TSC22D2: variants seen among roughly 807,000 people sequenced by gnomAD.
TSC22D2 encodes the protein TSC22 domain family protein 2.
In TSC22D2, 5 loss-of-function variants were observed where a neutral mutation model predicts 50.1. That is an observed-to-expected ratio of 0.10 (90% confidence interval 0.05 to 0.21). The LOEUF (loss-of-function observed/expected upper bound fraction) is 0.21, where lower values mean the gene tolerates loss of function less well. Among genes scored for constraint, TSC22D2 ranks in the 10% least tolerant of loss-of-function variants. The pLI is 1.00. For missense variants in TSC22D2, 1,003 were observed against 1,015.5 expected (o/e 0.99, Z 0.17); for synonymous variants, 501 against 450.1 (o/e 1.11, Z -1.43).
intron 1 of TSC22D2, among the ~76,000 whole-genome samples, chr3:150,450,583 T>C (rs562096561): frequency 1.8e-4 from 27 of 152,244 alleles, no homozygotes; most frequent in Admixed American, 1.7e-3. Context: ...CAAGTTTTAT[T>C]CTTAACCATA....
chr3:150,425,913 A>G (rs193059554), intron 1 of TSC22D2, among the ~76,000 whole-genome samples: 4 of 152,318 alleles, frequency 2.6e-5, no homozygotes, highest in African/African-American at 7.2e-5. Flanking sequence ...AAATTAATAG[A>G]CTTTTCACCA....
chr3:150,430,515 T>G (rs1234860786), intron 1 of TSC22D2, among the ~76,000 whole-genome samples: 1 of 152,148 alleles, frequency 6.6e-6, no homozygotes, highest in Non-Finnish European at 1.5e-5. Flanking sequence ...GCTGGTACTG[T>G]TAGAAAGTAT....
intron 1 of TSC22D2, among the ~76,000 whole-genome samples, chr3:150,424,724 A>G (rs1006992991): frequency 2.0e-5 from 3 of 152,084 alleles, no homozygotes; most frequent in African/African-American, 7.2e-5. Context: ...TCCTCCTTGG[A>G]GCCTGTTGTT....
At position 150,424,004 on chromosome 3, in the gene TSC22D2, G is replaced by T. The variant is rs976140092; in HGVS notation, c.1958+12696G>T. 2.6e-5 allele frequency among the ~76,000 whole-genome samples: 4 copies of T among 152,106 alleles called. No homozygotes were observed. The East Asian group carries it at 7.7e-4, about 29-fold the overall frequency. ...TCATTAGAAAAGAGTATTGCTAAGT[G>T]CATGTACATGTCATATTAAGACATG... On this transcript the variant is annotated intron_variant, in intron 1 of 2. Transcript: ENST00000688009.
At chr3:150,415,309 A>C (rs1415419746) in intron 1 of TSC22D2, among the ~76,000 whole-genome samples, 6 of 152,208 alleles carry the variant, frequency 3.9e-5, no homozygotes, top group Non-Finnish European at 7.4e-5. Context: ...AACATTGGTA[A>C]ATTTTTTTAG....
chr3:150,457,013 CTTT>C, intron 1 of TSC22D2, 60 bp from the exon 2 acceptor site: 1 of 1,416,664 alleles, frequency 7.1e-7, no homozygotes, highest in Non-Finnish European at 9.9e-7. Context: ...CTTTTACATT[CTTT>C]TAAGAGTTGG....
intron 1 of TSC22D2, among the ~76,000 whole-genome samples, chr3:150,446,712 C>A (rs1212508225): frequency 1.3e-5 from 2 of 152,084 alleles, no homozygotes; most frequent in Non-Finnish European, 2.9e-5. Flanking sequence ...GCAACTGTCT[C>A]TTTAAAAACC....
intron 1 of TSC22D2, 28 bp downstream of exon 1, chr3:150,411,336 G>T (rs771325649): frequency 2.2e-5 from 35 of 1,563,556 alleles, no homozygotes; most frequent in Non-Finnish European, 2.9e-5. Context: ...TTAAATATTT[G>T]ATAGAAATGC....
At chr3:150,418,771 A>G (rs895774684) in intron 1 of TSC22D2, among the ~76,000 whole-genome samples, 1 of 152,030 alleles carries the variant, frequency 6.6e-6, no homozygotes, top group Non-Finnish European at 1.5e-5. Context: ...AGTTGCTGTT[A>G]AAGGTATTTC....
intron 1 of TSC22D2, among the ~76,000 whole-genome samples, chr3:150,422,028 C>G (rs1560082257): frequency 6.6e-6 from 1 of 152,214 alleles, no homozygotes; most frequent in Non-Finnish European, 1.5e-5. Context: ...GTTTTCTCCT[C>G]TATGAGATGG....
intron 1 of TSC22D2, among the ~76,000 whole-genome samples, chr3:150,417,221 G>T (rs1292949457): frequency 2.0e-5 from 3 of 152,058 alleles, no homozygotes; most frequent in Non-Finnish European, 4.4e-5. Context: ...TGTAAATAAT[G>T]ATGGCATAGT....
At position 150,409,153 on chromosome 3, in the gene TSC22D2, A is replaced by G. The variant is rs1466904797; in HGVS notation, c.-198A>G. On this transcript the variant is annotated 5_prime_UTR_variant, in exon 1 of 3. Transcript: ENST00000688009. The surrounding 1 kb of genome is among the most constrained non-coding windows in gnomAD (Gnocchi z 7.4). Reference sequence around the variant, plus strand: ...CGGGGGCAGAGCCGAAGAGACCGACACAGAGAAGGAAACGAGGAGGAGGAT... The same window carrying G: ...CGGGGGCAGAGCCGAAGAGACCGACGCAGAGAAGGAAACGAGGAGGAGGAT... The G allele has an allele frequency of 1.9e-6, 1 of 538,296 alleles. No individual in the cohort carries two copies. The highest frequency in any genetic ancestry group is 3.3e-6 in the Non-Finnish European group (1 of 307,134). 33.3% of individuals were successfully genotyped at this position (538,296 alleles called of 1,614,324 possible).
At chr3:150,437,870 C>G (rs757718924) in intron 1 of TSC22D2, among the ~76,000 whole-genome samples, 1 of 151,634 alleles carries the variant, frequency 6.6e-6, no homozygotes, top group Non-Finnish European at 1.5e-5. Flanking sequence ...TGGATGTGGA[C>G]CAAACAATAT....
Position 150,462,639 on chromosome 3 carries a change from CTT to C in TSC22D2, c.*4017_*4018del, listed in dbSNP as rs59588626. 4.5e-5 allele frequency: 6 copies of C among 133,072 alleles called. No individual in the cohort carries two copies. Among genetic ancestry groups the C allele is most frequent in the Non-Finnish European group, 6.3e-5 (4 of 64,000 alleles). The allele number at this position is 133,072 out of a possible 1,614,324, so 8.2% of individuals were successfully genotyped here. ...TGCCTATTTTCTTTTTTTCTTTTTT[CTT>C]TTTTTTTTTTTTTGAGACAGAGTCT... On this transcript the variant is annotated 3_prime_UTR_variant, in exon 3 of 3. Coordinates refer to ENST00000688009, the MANE Select transcript of TSC22D2 (RefSeq NM_001303264.2).
intron 1 of TSC22D2, among the ~76,000 whole-genome samples, chr3:150,455,884 CTG>C (rs1320017676): frequency 1.8e-5 from 2 of 109,372 alleles, no homozygotes; most frequent in African/African-American, 3.2e-5. Flanking sequence ...AACCTAATAA[CTG>C]TTTTTAGAAA....
At position 150,410,305 on chromosome 3, in the gene TSC22D2, C is replaced by T. The variant is rs749876499; in HGVS notation, c.955C>T (p.Pro319Ser). Reference sequence around the variant, plus strand: ...GCCCAGCCAGCCCCAGGGAGCGGGGCCCGGGGGACAGACTCTGCCGCCGAC... The same window carrying T: ...GCCCAGCCAGCCCCAGGGAGCGGGGTCCGGGGGACAGACTCTGCCGCCGAC... ...AQPSQPQGAGPGGQTLPPTNV... is the reference protein window; with the variant it reads ...AQPSQPQGAGSGGQTLPPTNV... Residue 319 changes from proline to serine, a missense_variant, in exon 1 of 3, where the codon CCC becomes TCC. Pro to Ser is a moderately conservative substitution (Grantham distance 74). Transcript: ENST00000688009. 54 of 1,567,504 alleles carry T rather than the reference C, an allele frequency of 3.4e-5. No individual in the cohort carries two copies. The highest frequency in any genetic ancestry group is 4.6e-5 in the Non-Finnish European group (53 of 1,156,270).
chr3:150,412,941 C>T (rs896449221), intron 1 of TSC22D2, among the ~76,000 whole-genome samples: 6 of 152,152 alleles, frequency 3.9e-5, no homozygotes, highest in African/African-American at 1.4e-4. Flanking sequence ...TTCCTGTATA[C>T]TGCCCATATC....
At chr3:150,418,208 G>A (rs1038682263) in intron 1 of TSC22D2, among the ~76,000 whole-genome samples, 3 of 151,936 alleles carry the variant, frequency 2.0e-5, no homozygotes, top group Admixed American at 2.0e-4. Flanking sequence ...TGTGAGTAGT[G>A]AGCACTGGAA....
rs527528236 is a variant in TSC22D2, at chr3:150,449,875, T to G, written c.1959-7201T>G. 5.9e-5 allele frequency among the ~76,000 whole-genome samples: 9 copies of G among 152,252 alleles called. No individual in the cohort carries two copies. The East Asian group carries it at 1.7e-3, about 29-fold the overall frequency. Reference sequence around the variant, plus strand: ...TTATGATTCAGATGTTGAGTATTTTTTCATGTCTTTCTTGTTAATGTTCAG... The same window carrying G: ...TTATGATTCAGATGTTGAGTATTTTGTCATGTCTTTCTTGTTAATGTTCAG... On this transcript the variant is annotated intron_variant, in intron 1 of 2. Transcript: ENST00000688009.
Sources: allele counts gnomAD v4.1 joint callset (sites outside exome capture counted in the v4.1 genomes callset), GRCh38; gene constraint gnomAD v4.1.1; non-coding constraint Gnocchi (gnomAD v3.1); transcripts MANE v1.5; gene names NCBI Gene and HGNC (gene_info 2026-07-23, HGNC 2026-07-21).